CYFIP1: variants seen among roughly 807,000 people sequenced by gnomAD.
The protein encoded by CYFIP1 is cytoplasmic FMR1-interacting protein 1.
In CYFIP1, 58 loss-of-function variants were observed where a neutral mutation model predicts 163.5. That is an observed-to-expected ratio of 0.35 (90% CI 0.29 to 0.44). The LOEUF (loss-of-function observed/expected upper bound fraction) is 0.44. Ranked by LOEUF, CYFIP1 falls within the 20% of genes least tolerant of loss-of-function variation. The pLI, the probability that CYFIP1 is intolerant of heterozygous loss-of-function variation, is 1.00. For missense variants in CYFIP1, 1,338 were observed against 1,653.8 expected (o/e 0.81, Z 3.31); for synonymous variants, 663 against 660.7 (o/e 1.00, Z -0.05).
intron 26 of CYFIP1, among the ~76,000 whole-genome samples, chr15:22,878,353 C>T (rs1045860838): frequency 5.9e-5 from 9 of 152,042 alleles, no homozygotes; most frequent in African/African-American, 1.7e-4. Context: ...CCTGGACCAG[C>T]GAGATGTGGC....
chr15:22,961,285 G>GC (rs1567035022), intron 1 of CYFIP1, among the ~76,000 whole-genome samples: 1 of 152,154 alleles, frequency 6.6e-6, no homozygotes, highest in Admixed American at 6.5e-5. Flanking sequence ...GCCTTCCAAA[G>GC]CGCTGAGATT....
rs1398760656 is a variant in CYFIP1 at position 22,869,733 on chromosome 15, T to G, written c.*295A>C. ...TTAAGTTTCTTATGGAATGAATGAA[T>G]GAACCCAGCAGCATTTTATGACACA... On this transcript the variant is annotated 3_prime_UTR_variant, in exon 31 of 31. Coordinates refer to ENST00000617928, the MANE Select transcript of CYFIP1 (RefSeq NM_014608.6). 1.2e-5 allele frequency: 3 copies of G among 250,716 alleles called. No homozygotes were observed. Among genetic ancestry groups the G allele is most frequent in the Non-Finnish European group, 2.2e-5 (3 of 133,548 alleles). 15.5% of individuals were successfully genotyped at this position (250,716 alleles called of 1,614,324 possible). A position where few individuals can be genotyped will look rare whatever the true frequency, so the allele number is the denominator to read the frequency against.
At chr15:22,964,058 A>C (rs2062795771) in intron 1 of CYFIP1, among the ~76,000 whole-genome samples, 1 of 152,026 alleles carries the variant, frequency 6.6e-6, no homozygotes. Context: ...GACAAATAAA[A>C]ATTGTATATA....
intron 3 of CYFIP1, 50 bp downstream of exon 3, chr15:22,946,953 C>T (rs1310889993): frequency 1.3e-6 from 2 of 1,520,702 alleles, no homozygotes; most frequent in East Asian, 2.2e-5. Context: ...ATCTGTCCTT[C>T]AAACACGCCC....
At chr15:22,925,910 T>C in intron 13 of CYFIP1, 72 bp downstream of exon 13, 1 of 1,584,314 alleles carries the variant, frequency 6.3e-7, no homozygotes, top group Non-Finnish European at 8.6e-7. Context: ...TGTTCATGTT[T>C]TTGCTTTTGA....
At chr15:22,895,606 C>T (rs571423586) in intron 22 of CYFIP1, among the ~76,000 whole-genome samples, 11 of 152,160 alleles carry the variant, frequency 7.2e-5, no homozygotes, top group South Asian at 4.1e-4. Flanking sequence ...ACTGGTATCA[C>T]GGGGCCACAC....
chr15:22,916,523 T>A lies in CYFIP1; in HGVS notation c.1782A>T (p.Lys594Asn), dbSNP rs772927559. ...LEGPTILDIEKFHRESFFYTH... is the reference protein window; with the variant it reads ...LEGPTILDIENFHRESFFYTH... ...TGTAGAAGAATGACTCTCGATGAAA[T>A]TTTTCTATGTCCAATATGGTGGGCC... Residue 594 changes from lysine to asparagine, a missense_variant, in exon 16 of 31, where the codon AAA becomes AAT. By Grantham distance (94) the Lys-to-Asn change is moderately conservative. Coordinates refer to ENST00000617928, the MANE Select transcript of CYFIP1 (RefSeq NM_014608.6). 6.2e-7 allele frequency: 1 copy of A among 1,613,854 alleles called. No individual in the cohort carries two copies. The highest frequency in any genetic ancestry group is 1.3e-5 in the African/African-American group (1 of 74,962).
chr15:22,962,392 CTTT>C (rs963136147), intron 1 of CYFIP1, among the ~76,000 whole-genome samples: 12 of 133,512 alleles, frequency 9.0e-5, no homozygotes, highest in African/African-American at 3.1e-4. Context: ...CTATATTCTT[CTTT>C]TTTTTCTTTT....
At chr15:22,890,306 T>A (rs1313434146) in intron 23 of CYFIP1, among the ~76,000 whole-genome samples, 1 of 136,448 alleles carries the variant, frequency 7.3e-6, no homozygotes, top group Non-Finnish European at 1.6e-5. Context: ...GGAGACTCCA[T>A]CTCAAAAAAA....
At chr15:22,965,170 A>T (rs114753236) in intron 1 of CYFIP1, among the ~76,000 whole-genome samples, 1 of 152,234 alleles carries the variant, frequency 6.6e-6, no homozygotes, top group South Asian at 2.1e-4. Flanking sequence ...AAACATCCTA[A>T]ATTACTGTCT....
In CYFIP1 at chr15:22,873,589, C is replaced by T. The variant is rs1421369340; in HGVS notation, c.3351G>A (p.Gly1117=). Residue 1117 remains glycine (G), a synonymous_variant, in exon 29 of 31, where the codon GGG becomes GGA. Transcript: ENST00000617928. ...PIWRGPLPSN[G]VMHVDECVEF... ...CCACACACTCGTCCACATGCATGAC[C>T]CCATTGCTGGGCAGAGGCCCGCGCC... The T allele has an allele frequency of 6.2e-6, 10 of 1,614,120 alleles. No individual in the cohort carries two copies. The highest frequency in any genetic ancestry group is 8.5e-6 in the Non-Finnish European group (10 of 1,180,056).
chr15:22,909,803 G>C (rs1484987340), intron 20 of CYFIP1, among the ~76,000 whole-genome samples: 2 of 151,990 alleles, frequency 1.3e-5, no homozygotes, highest in African/African-American at 4.8e-5. Flanking sequence ...TTTAATACAG[G>C]CATGCAATGT....
At chr15:22,902,496 C>T (rs1293412092) in intron 22 of CYFIP1, among the ~76,000 whole-genome samples, 1 of 152,218 alleles carries the variant, frequency 6.6e-6, no homozygotes, top group East Asian at 1.9e-4. Flanking sequence ...CCTATGTATC[C>T]ATGATTTCCC....
chr15:22,951,397 G>T (rs759130133), intron 1 of CYFIP1: 1 of 1,286,754 alleles, frequency 7.8e-7, no homozygotes, highest in South Asian at 1.2e-5. Context: ...GTGGGTGCAG[G>T]GTCCAGCCCC....
In CYFIP1 at chr15:22,881,282, G is replaced by A. The variant is rs535236724; in HGVS notation, c.2911+564C>T. Among the ~76,000 whole-genome samples, 3 of 152,316 alleles carry A rather than the reference G, an allele frequency of 2.0e-5. No homozygotes were observed. The South Asian group carries it at 6.2e-4, about 32-fold the overall frequency. On this transcript the variant is annotated intron_variant, in intron 25 of 30. Transcript: ENST00000617928. ...TCCAGCTTTCAAGAAAACTCGGCCA[G>A]GTAAGAGACTAAAAGCAGTTTTGTT...
At chr15:22,931,679 T>C (rs557036619) in intron 11 of CYFIP1, among the ~76,000 whole-genome samples, 98 of 73,844 alleles carry the variant, frequency 1.3e-3, no homozygotes, top group Non-Finnish European at 7.7e-4. Flanking sequence ...CCCTATAATG[T>C]TTTTCTGAAA....
chr15:22,951,616 T>G, intron 1 of CYFIP1: 1 of 1,212,156 alleles, frequency 8.2e-7, no homozygotes, highest in South Asian at 1.3e-5. Flanking sequence ...CCTGGGGGCG[T>G]GTCCAGTCAT....
At chr15:22,929,570 T>C (rs1317810024) in intron 11 of CYFIP1, among the ~76,000 whole-genome samples, 1 of 131,356 alleles carries the variant, frequency 7.6e-6, no homozygotes, top group Non-Finnish European at 1.5e-5. Flanking sequence ...AGGTGGAAGT[T>C]GCAATGAGCC....
intron 1 of CYFIP1, among the ~76,000 whole-genome samples, chr15:22,977,949 A>C (rs1463402543): frequency 6.6e-6 from 1 of 152,194 alleles, no homozygotes; most frequent in Non-Finnish European, 1.5e-5. Flanking sequence ...GAGTATGTGC[A>C]CAAAGATACA....
Sources: gnomAD v4.1 joint callset for allele counts (sites outside exome capture counted in the v4.1 genomes callset) on GRCh38, gnomAD v4.1.1 for gene constraint, MANE v1.5 for transcripts, NCBI Gene and HGNC (gene_info 2026-07-23, HGNC 2026-07-21) for gene names.